Variants in CD8A observed in about 807,000 individuals in gnomAD.
The protein encoded by CD8A is CD8 subunit alpha, also known as T-cell surface glycoprotein CD8 alpha chain.
A neutral mutation model predicts 24.2 loss-of-function variants in CD8A; 25 were observed. The ratio of observed to expected loss-of-function variants is 1.03; its 90% CI spans 0.75 to 1.44. The LOEUF (loss-of-function observed/expected upper bound fraction) is 1.44. CD8A is among the 40% of genes most tolerant of loss of function. The pLI is 0.00. For synonymous variants in CD8A, 165 were observed against 149.9 expected (o/e 1.10, Z -0.74); for missense variants, 360 against 319.7 (o/e 1.13, Z -0.96).
upstream of CD8A, chr2:86,790,963 G>A (rs1237934316): frequency 4.7e-6 from 4 of 849,024 alleles, no homozygotes; most frequent in Non-Finnish European, 7.7e-6. Context: ...AGGATGTGAT[G>A]TCACCCGAAG....
chr2:86,789,587 G>C, intron 3 of CD8A, 53 bp downstream of exon 3: 2 of 1,379,384 alleles, frequency 1.4e-6, no homozygotes, highest in Admixed American at 2.0e-5. Flanking sequence ...TCCCTGGCAT[G>C]GGCTCTCCCC....
chr2:86,785,638 C>G lies in CD8A; in HGVS notation c.*282G>C, dbSNP rs1345915947. The G allele has an allele frequency of 1.6e-6, 1 of 637,740 alleles. No individual in the cohort carries two copies. Among genetic ancestry groups the G allele is most frequent in the Non-Finnish European group, 2.9e-6 (1 of 344,528 alleles). The allele number at this position is 637,740 out of a possible 1,614,324, so 39.5% of individuals were successfully genotyped here. On this transcript the variant is annotated 3_prime_UTR_variant, in exon 6 of 6. Transcript: ENST00000283635. The stretch of plus-strand genomic sequence containing the variant: ...TGCCTCCAGCTCTCTCAGCATGATT[C>G]TGAGAACTCTGCGGGTAGCTCTGGC...
chr2:86,785,969 G>T lies in CD8A; in HGVS notation c.659C>A (p.Pro220His), dbSNP rs762198471. 6.2e-7 allele frequency: 1 copy of T among 1,613,666 alleles called. No homozygotes were observed. Among genetic ancestry groups the T allele is most frequent in the Non-Finnish European group, 8.5e-7 (1 of 1,179,540 alleles). Residue 220 changes from proline to histidine, a missense_variant and splice_region_variant, in exon 6 of 6, where the codon CCT (proline) becomes CAT (histidine). Pro to His is a moderately conservative substitution (Grantham distance 77, BLOSUM62 -2). Coordinates refer to ENST00000283635, the MANE Select transcript of CD8A (RefSeq NM_001768.7). Reference protein sequence around the residue: ...NRRRVCKCPRPVVKSGDKPSL... With the variant: ...NRRRVCKCPRHVVKSGDKPSL... ...GGGCTTGTCTCCCGATTTGACCACA[G>T]GCCTGAAAGAGAGGAAAGCGACCAT...
intron 3 of CD8A, among the ~76,000 whole-genome samples, chr2:86,799,630 C>T (rs1464402420): frequency 7.2e-5 from 11 of 152,140 alleles, no homozygotes; most frequent in African/African-American, 2.7e-4. Flanking sequence ...GTGGCGGGCG[C>T]CTGTAGTCCC....
Position 86,785,753 on chromosome 2 carries a change from G to A in CD8A, c.*167C>T. 1 of 771,884 alleles carries A rather than the reference G, an allele frequency of 1.3e-6. No homozygotes were observed. Among genetic ancestry groups the A allele is most frequent in the South Asian group, 1.4e-5 (1 of 73,296 alleles). 47.8% of individuals were successfully genotyped at this position (771,884 alleles called of 1,614,324 possible). ...TAGATTTTACCTAGTTTTGTTTCCC[G>A]TCAAACACATAAAGAAAAAGTAATC... On this transcript the variant is annotated 3_prime_UTR_variant, in exon 6 of 6. Transcript: ENST00000283635.
intron 5 of CD8A, 46 bp downstream of exon 5, chr2:86,788,484 C>T: frequency 1.9e-6 from 3 of 1,544,152 alleles, no homozygotes; most frequent in Non-Finnish European, 2.7e-6. Flanking sequence ...AGGACCCCAC[C>T]CCAGGGCTGG....
chr2:86,787,034 A>AG (rs1307452686), intron 5 of CD8A, among the ~76,000 whole-genome samples: 1 of 145,876 alleles, frequency 6.9e-6, no homozygotes, highest in African/African-American at 2.5e-5. Flanking sequence ...AAAAAAAAAA[A>AG]AAAAAAGAAA....
In CD8A at chr2:86,790,538, C is replaced by A; in HGVS notation, c.193G>T (p.Ala65Ser). ...AGGTATAGGAGGAAGGTGGGACTGG[C>A]GGCGGCGCCGCGCGGCTGGAAGAGC... Reference protein sequence around the residue: ...SWLFQPRGAAASPTFLLYLSQ... With the variant: ...SWLFQPRGAASSPTFLLYLSQ... The change falls in exon 2 of 6, where the codon GCC (alanine) becomes TCC (serine). Residue 65 changes from alanine (A) to serine (S), a missense_variant. Ala to Ser is a moderately conservative substitution (Grantham distance 99, BLOSUM62 1). Coordinates refer to ENST00000283635, the MANE Select transcript of CD8A (RefSeq NM_001768.7). 6.2e-7 allele frequency: 1 copy of A among 1,613,486 alleles called. No homozygotes were observed. The highest frequency in any genetic ancestry group is 1.1e-5 in the South Asian group (1 of 91,078).
chr2:86,785,956 C>G lies in CD8A; in HGVS notation c.672G>C (p.Ser224=). ...VCKCPRPVVK[S]GDKPSLSARY... ...TCGCCGAAAGGCTGGGCTTGTCTCC[C>G]GATTTGACCACAGGCCTGAAAGAGA... The change falls in exon 6 of 6, where the codon TCG becomes TCC. Residue 224 remains serine, a synonymous_variant. Coordinates refer to ENST00000283635, the MANE Select transcript of CD8A (RefSeq NM_001768.7). 4 of 1,613,890 alleles carry G rather than the reference C, an allele frequency of 2.5e-6. No individual in the cohort carries two copies. Among genetic ancestry groups the G allele is most frequent in the Non-Finnish European group, 3.4e-6 (4 of 1,179,764 alleles).
intron 3 of CD8A, 49 bp downstream of exon 3, chr2:86,789,591 T>A: frequency 7.2e-7 from 1 of 1,392,156 alleles, no homozygotes; most frequent in Non-Finnish European, 9.8e-7. Flanking sequence ...TGGCATGGGC[T>A]CTCCCCGCGG....
chr2:86,791,077 A>G (rs926956723), upstream of CD8A: 13 of 697,346 alleles, frequency 1.9e-5, no homozygotes, highest in African/African-American at 2.3e-4. Flanking sequence ...CTGGCCAGGC[A>G]ACTGGGGGCA....
intron 1 of CD8A, among the ~76,000 whole-genome samples, chr2:86,807,965 G>T (rs543096005): frequency 1.3e-5 from 2 of 152,286 alleles, no homozygotes; most frequent in East Asian, 3.9e-4. Context: ...CTGTAGAGGA[G>T]GTGGGGCCGG....
At position 86,790,567 on chromosome 2, in the gene CD8A, G is replaced by A. The variant is rs750103978; in HGVS notation, c.164C>T (p.Ser55Leu). ...VLLSNPTSGC[S>L]WLFQPRGAAA... ...GGCGCCGCGCGGCTGGAAGAGCCAC[G>A]AGCAGCCCGACGTCGGGTTGGACAG... Residue 55 changes from serine to leucine, a missense_variant, in exon 2 of 6, where the codon TCG becomes TTG. Coordinates refer to ENST00000283635, the MANE Select transcript of CD8A (RefSeq NM_001768.7). 1.2e-6 allele frequency: 2 copies of A among 1,613,016 alleles called. No homozygotes were observed. Among genetic ancestry groups the A allele is most frequent in the South Asian group, 1.1e-5 (1 of 91,066 alleles).
intron 5 of CD8A, among the ~76,000 whole-genome samples, chr2:86,787,081 C>CTTTT (rs759881985): frequency 8.7e-5 from 8 of 91,884 alleles, no homozygotes; most frequent in Admixed American, 1.5e-4. Context: ...TCCCCCCCCA[C>CTTTT]TTTTTTTTTT....
At position 86,789,354 on chromosome 2, in the gene CD8A, CAGG is replaced by C. The variant is rs1281403160; in HGVS notation, c.591_593del (p.Leu198del). ...TGCAGTAAAGGGTGATAACCAGTGACAGGAGAAGGACCCCACAAGTCCCGGCCA... is the reference window on the plus strand; with the variant it reads ...TGCAGTAAAGGGTGATAACCAGTGACAGAAGGACCCCACAAGTCCCGGCCA... On this transcript the variant is annotated inframe_deletion, in exon 4 of 6. Transcript: ENST00000283635. 8 of 1,612,982 alleles carry C rather than the reference CAGG, an allele frequency of 5.0e-6. No homozygotes were observed. The highest frequency in any genetic ancestry group is 1.3e-5 in the African/African-American group (1 of 74,922).
chr2:86,790,161 A>T (rs1673214893), intron 2 of CD8A, among the ~76,000 whole-genome samples, 167 bp downstream of exon 2: 1 of 152,148 alleles, frequency 6.6e-6, no homozygotes, highest in African/African-American at 2.4e-5. Flanking sequence ...CCCAGTCCCT[A>T]CTCAGCCTCG....
At chr2:86,792,733 C>T (rs1019223872), upstream of CD8A, among the ~76,000 whole-genome samples, 2 of 151,660 alleles carry the variant, frequency 1.3e-5, no homozygotes, top group South Asian at 2.1e-4. Flanking sequence ...CGAGGTCAGG[C>T]GCTTTGCCCC....
At chr2:86,790,115 A>T (rs955948677) in intron 2 of CD8A, among the ~76,000 whole-genome samples, 9 of 152,132 alleles carry the variant, frequency 5.9e-5, no homozygotes, top group Admixed American at 5.9e-4. Flanking sequence ...AAGAATCCGA[A>T]CTCGAGTCCA....
Position 86,785,302 on chromosome 2 carries a change from A to T in CD8A, c.*618T>A, listed in dbSNP as rs766605145. The T allele has an allele frequency of 1.5e-4, 67 of 453,376 alleles. No individual in the cohort carries two copies. The highest frequency in any genetic ancestry group is 5.7e-4 in the Admixed American group (24 of 42,448). The allele number at this position is 453,376 out of a possible 1,614,324, so 28.1% of individuals were successfully genotyped here. On this transcript the variant is annotated 3_prime_UTR_variant, in exon 6 of 6. Coordinates refer to ENST00000283635, the MANE Select transcript of CD8A (RefSeq NM_001768.7). The stretch of plus-strand genomic sequence containing the variant: ...AAAAAAAAAAAGTCTGATATTGTTT[A>T]CATTATAGAACTCTGCCAAAGGCAG...
Sources: allele counts gnomAD v4.1 joint callset (sites outside exome capture counted in the v4.1 genomes callset), GRCh38; gene constraint gnomAD v4.1.1; transcripts MANE v1.5; gene names NCBI Gene and HGNC (gene_info 2026-07-23, HGNC 2026-07-21).